Variants in ERBB4 observed in about 807,000 individuals in gnomAD.
The protein encoded by ERBB4 is erb-b2 receptor tyrosine kinase 4, also known as receptor tyrosine-protein kinase erbB-4.
Under a neutral mutation model 158.0 loss-of-function variants are expected in ERBB4, and 42 were observed. That is an observed-to-expected ratio of 0.27 (90% CI 0.21 to 0.34). The LOEUF is 0.34. Among genes scored for constraint, ERBB4 ranks in the 10% least tolerant of loss-of-function variants. ERBB4 has a pLI of 1.00. For synonymous variants in ERBB4, 583 were observed against 558.7 expected (o/e 1.04, Z -0.61); for missense variants, 1,333 against 1,624.1 (o/e 0.82, Z 3.08).
intron 1 of ERBB4, among the ~76,000 whole-genome samples, chr2:212,246,108 A>T (rs2084298992): frequency 6.6e-6 from 1 of 152,100 alleles, no homozygotes; most frequent in East Asian, 1.9e-4. Context: ...GTAAATGTAG[A>T]TTAACTGACC....
At chr2:212,451,121 G>C (rs1281964451) in intron 1 of ERBB4, among the ~76,000 whole-genome samples, 3 of 152,150 alleles carry the variant, frequency 2.0e-5, no homozygotes, top group Non-Finnish European at 4.4e-5. Context: ...ATCCGAGAAG[G>C]AGGCAGACTT....
At chr2:211,466,320 T>A (rs1029494710) in intron 20 of ERBB4, among the ~76,000 whole-genome samples, 1 of 147,736 alleles carries the variant, frequency 6.8e-6, no homozygotes, top group African/African-American at 2.5e-5. Flanking sequence ...CATGCTTTCA[T>A]CTTTTTGTGT....
intron 4 of ERBB4, among the ~76,000 whole-genome samples, chr2:211,761,064 G>A (rs7558651): frequency 0.13 from 19,500 of 151,544 alleles, 1,441 homozygotes; most frequent in East Asian, 0.31. Context: ...GCGTGGTGGC[G>A]CGTGCCTGTA....
At chr2:212,510,526 C>A (rs1691459254) in intron 1 of ERBB4, among the ~76,000 whole-genome samples, 1 of 151,786 alleles carries the variant, frequency 6.6e-6, no homozygotes, top group East Asian at 1.9e-4. Flanking sequence ...TTTTACTGGG[C>A]ATTTAAAAAG....
intron 2 of ERBB4, chr2:211,960,830 T>G (rs1313627612): frequency 6.6e-6 from 1 of 151,996 alleles, no homozygotes; most frequent in Non-Finnish European, 1.5e-5. Context: ...AATACCATCA[T>G]ATTGGGGATT....
At chr2:212,441,956 C>A (rs79137849) in intron 1 of ERBB4, among the ~76,000 whole-genome samples, 3,164 of 152,244 alleles carry the variant, frequency 0.021, 96 homozygotes, top group South Asian at 0.05. Context: ...CTTTGAAGAG[C>A]CTGTAATTGC....
At chr2:211,629,780 A>G (rs1318861603) in intron 17 of ERBB4, among the ~76,000 whole-genome samples, 2 of 152,096 alleles carry the variant, frequency 1.3e-5, no homozygotes, top group East Asian at 3.9e-4. Context: ...AAACCTGACA[A>G]AAACAAGAAA....
chr2:212,083,576 G>T (rs977522351), intron 2 of ERBB4, among the ~76,000 whole-genome samples: 5 of 151,772 alleles, frequency 3.3e-5, no homozygotes, highest in African/African-American at 1.2e-4. Flanking sequence ...CTACACGAGA[G>T]ACTGCCCGCA....
At chr2:211,434,526 C>G (rs1406025897) in intron 20 of ERBB4, among the ~76,000 whole-genome samples, 1 of 152,122 alleles carries the variant, frequency 6.6e-6, no homozygotes, top group Non-Finnish European at 1.5e-5. Flanking sequence ...GTCTCCAAAA[C>G]TATGAGAAAT....
intron 21 of ERBB4, among the ~76,000 whole-genome samples, 166 bp downstream of exon 21, chr2:211,430,779 C>CACACATATATATATCATAT (rs2063732138): frequency 6.6e-6 from 1 of 151,182 alleles, no homozygotes; most frequent in Admixed American, 6.6e-5. Context: ...TATATATATA[C>CACACATATATATATCATAT]ACACACATAT....
intron 20 of ERBB4, among the ~76,000 whole-genome samples, chr2:211,441,552 T>C (rs1262123298): frequency 6.6e-6 from 1 of 152,148 alleles, no homozygotes; most frequent in African/African-American, 2.4e-5. Context: ...TTTCTTGTTT[T>C]TGTTTGTTTG....
At chr2:211,973,881 C>T (rs912396570) in intron 2 of ERBB4, among the ~76,000 whole-genome samples, 5 of 152,126 alleles carry the variant, frequency 3.3e-5, no homozygotes, top group African/African-American at 7.2e-5. Flanking sequence ...GACATGTACA[C>T]CATGGAAACT....
At chr2:211,809,309 C>G (rs1389277812) in intron 3 of ERBB4, among the ~76,000 whole-genome samples, 2 of 152,112 alleles carry the variant, frequency 1.3e-5, no homozygotes. Flanking sequence ...TCTGTGAATC[C>G]ATCTGGTCCT....
At chr2:211,624,432 AC>A in intron 17 of ERBB4, among the ~76,000 whole-genome samples, 1 of 152,070 alleles carries the variant, frequency 6.6e-6, no homozygotes, top group Non-Finnish European at 1.5e-5. Flanking sequence ...CAATGCCAAA[AC>A]CCTAGGACAG....
chr2:211,533,592 G>C (rs947213659), intron 20 of ERBB4, among the ~76,000 whole-genome samples: 4 of 151,924 alleles, frequency 2.6e-5, no homozygotes, highest in African/African-American at 4.8e-5. Flanking sequence ...TCAGAAAATG[G>C]TGTGCTACTT....
chr2:211,932,520 A>C (rs984228547), intron 3 of ERBB4, among the ~76,000 whole-genome samples: 1 of 151,984 alleles, frequency 6.6e-6, no homozygotes, highest in Non-Finnish European at 1.5e-5. Context: ...AGTTGATTTA[A>C]ATAGTCATTT....
intron 3 of ERBB4, among the ~76,000 whole-genome samples, chr2:211,793,535 A>G (rs1485518866): frequency 6.6e-6 from 1 of 151,998 alleles, no homozygotes; most frequent in Non-Finnish European, 1.5e-5. Flanking sequence ...ACCCATTTTC[A>G]AGATGAAGCC....
At chr2:212,100,152 G>A (rs1223527675) in intron 2 of ERBB4, among the ~76,000 whole-genome samples, 1 of 152,124 alleles carries the variant, frequency 6.6e-6, no homozygotes, top group Non-Finnish European at 1.5e-5. Flanking sequence ...TTGACCTCCT[G>A]CAATAGATCT....
chr2:212,182,325 C>T (rs747415379), intron 1 of ERBB4, among the ~76,000 whole-genome samples: 1 of 151,950 alleles, frequency 6.6e-6, no homozygotes, highest in Non-Finnish European at 1.5e-5. Context: ...CCACAAGAAC[C>T]TGCACTCTTA....
Sources: allele counts gnomAD v4.1 joint callset (sites outside exome capture counted in the v4.1 genomes callset), GRCh38; gene constraint gnomAD v4.1.1; transcripts MANE v1.5; gene names NCBI Gene and HGNC (gene_info 2026-07-23, HGNC 2026-07-21).